COMMD10: variants seen among roughly 807,000 people sequenced by gnomAD.
COMMD10 encodes the protein COMM domain containing 10.
COMMD10 carries 33 observed loss-of-function variants against 28.9 expected under a neutral mutation model. That is an observed-to-expected ratio of 1.14 (90% CI 0.87 to 1.53). COMMD10 has a LOEUF of 1.53. Among genes scored for constraint, COMMD10 ranks in the 40% most tolerant of loss-of-function variants. COMMD10 has a pLI of 0.00. For missense variants in COMMD10, 310 were observed against 233.4 expected (o/e 1.33, Z -2.14); for synonymous variants, 110 against 81.7 (o/e 1.35, Z -1.87).
chr5:116,148,802 T>C (rs574866505), intron 5 of COMMD10, among the ~76,000 whole-genome samples: 56 of 151,902 alleles, frequency 3.7e-4, no homozygotes, highest in South Asian at 3.3e-3. Flanking sequence ...GGAGAACACA[T>C]TTTAAAATTA....
chr5:116,115,691 T>A (rs561665186), intron 4 of COMMD10, among the ~76,000 whole-genome samples: 1 of 152,182 alleles, frequency 6.6e-6, no homozygotes, highest in Non-Finnish European at 1.5e-5. Flanking sequence ...GAAATTCTAT[T>A]TGGAGCTCTT....
chr5:116,151,222 G>T (rs1303324366), intron 5 of COMMD10, among the ~76,000 whole-genome samples: 4 of 151,452 alleles, frequency 2.6e-5, no homozygotes, highest in Non-Finnish European at 5.9e-5. Flanking sequence ...CTTGTTCATG[G>T]TGGATAAGCT....
At chr5:116,120,930 TTATG>T (rs759739764) in intron 4 of COMMD10, among the ~76,000 whole-genome samples, 107 of 152,254 alleles carry the variant, frequency 7.0e-4, no homozygotes, top group Non-Finnish European at 1.0e-3. Context: ...TTGTATATGT[TTATG>T]TATATGTTTT....
intron 5 of COMMD10, among the ~76,000 whole-genome samples, chr5:116,189,142 G>A (rs1275471636): frequency 3.9e-5 from 6 of 152,170 alleles, no homozygotes; most frequent in Non-Finnish European, 7.3e-5. Context: ...TAACTCCTGT[G>A]ACAGCTAGAG....
At chr5:116,141,701 G>T (rs1036052903) in intron 5 of COMMD10, among the ~76,000 whole-genome samples, 3 of 151,756 alleles carry the variant, frequency 2.0e-5, no homozygotes, top group African/African-American at 7.3e-5. Context: ...GGGAAGAGGG[G>T]TGGTGGCTGG....
At chr5:116,220,208 A>G (rs1191558145) in intron 5 of COMMD10, among the ~76,000 whole-genome samples, 1 of 152,176 alleles carries the variant, frequency 6.6e-6, no homozygotes, top group East Asian at 1.9e-4. Context: ...GTAGGTACCT[A>G]GGGAGCAAAA....
At chr5:116,214,724 A>G (rs546288191) in intron 5 of COMMD10, among the ~76,000 whole-genome samples, 5 of 152,200 alleles carry the variant, frequency 3.3e-5, no homozygotes, top group African/African-American at 4.8e-5. Flanking sequence ...TATGGCCTCA[A>G]TTTTGGGACT....
chr5:116,181,185 A>T (rs934743980), intron 5 of COMMD10, among the ~76,000 whole-genome samples: 3 of 152,012 alleles, frequency 2.0e-5, no homozygotes, highest in Non-Finnish European at 2.9e-5. Context: ...TTATTGCTGT[A>T]CTTTCATTTT....
chr5:116,239,837 C>G (rs1033979554), intron 5 of COMMD10, among the ~76,000 whole-genome samples: 1 of 152,144 alleles, frequency 6.6e-6, no homozygotes, highest in African/African-American at 2.4e-5. Context: ...AGGACTGCTC[C>G]AGGTTTGCTG....
intron 5 of COMMD10, among the ~76,000 whole-genome samples, chr5:116,192,749 A>G (rs897948185): frequency 2.6e-5 from 4 of 152,186 alleles, no homozygotes; most frequent in African/African-American, 9.6e-5. Flanking sequence ...ATTTGATGGA[A>G]TCATCCAGGA....
intron 5 of COMMD10, among the ~76,000 whole-genome samples, chr5:116,209,715 T>C (rs901033228): frequency 4.6e-5 from 7 of 152,180 alleles, no homozygotes; most frequent in African/African-American, 1.7e-4. Context: ...TGTTAAAGTA[T>C]TTTCAATTAA....
At chr5:116,102,964 G>A (rs1257993184) in intron 4 of COMMD10, among the ~76,000 whole-genome samples, 12 of 151,970 alleles carry the variant, frequency 7.9e-5, no homozygotes, top group Admixed American at 3.9e-4. Flanking sequence ...GATGGTTTCC[G>A]GCTTCATCCA....
chr5:116,272,477 G>C (rs912921260), intron 5 of COMMD10, among the ~76,000 whole-genome samples: 4 of 151,820 alleles, frequency 2.6e-5, no homozygotes, highest in Admixed American at 2.6e-4. Flanking sequence ...ATAAGCAGAT[G>C]TTATCATTCT....
At chr5:116,256,211 A>C (rs1308668851) in intron 5 of COMMD10, among the ~76,000 whole-genome samples, 1 of 151,684 alleles carries the variant, frequency 6.6e-6, no homozygotes, top group Non-Finnish European at 1.5e-5. Context: ...AGAGTTAACC[A>C]TGTTTTGTCC....
At chr5:116,279,263 G>A (rs1751002140) in intron 5 of COMMD10, among the ~76,000 whole-genome samples, 1 of 151,890 alleles carries the variant, frequency 6.6e-6, no homozygotes, top group African/African-American at 2.4e-5. Flanking sequence ...AGTCTTGAAT[G>A]CTATGCTAAC....
At chr5:116,157,035 A>C (rs574313770) in intron 5 of COMMD10, among the ~76,000 whole-genome samples, 124 of 152,202 alleles carry the variant, frequency 8.1e-4, no homozygotes, top group African/African-American at 2.8e-3. Context: ...TATTAAGTAA[A>C]TATTTCATCC....
At chr5:116,162,591 C>G (rs1346073569) in intron 5 of COMMD10, among the ~76,000 whole-genome samples, 1 of 152,098 alleles carries the variant, frequency 6.6e-6, no homozygotes, top group Non-Finnish European at 1.5e-5. Context: ...CTCTTTTTAT[C>G]ATTTATCATT....
chr5:116,085,317 G>A, intron 1 of COMMD10: 1 of 560,816 alleles, frequency 1.8e-6, no homozygotes, highest in South Asian at 2.2e-5. Flanking sequence ...CTCACAGTGC[G>A]CCTGGCAGCT....
At chr5:116,271,598 C>A (rs1414892948) in intron 5 of COMMD10, among the ~76,000 whole-genome samples, 1 of 151,554 alleles carries the variant, frequency 6.6e-6, no homozygotes, top group Admixed American at 6.6e-5. Flanking sequence ...TATGGAAGAT[C>A]AACATTTAAG....
Sources: gnomAD v4.1 joint callset for allele counts (sites outside exome capture counted in the v4.1 genomes callset) on GRCh38, gnomAD v4.1.1 for gene constraint, MANE v1.5 for transcripts, NCBI Gene and HGNC (gene_info 2026-07-23, HGNC 2026-07-21) for gene names.